Variants in UNC13B observed in about 807,000 individuals in gnomAD.
The protein encoded by UNC13B is protein unc-13 homolog B.
In UNC13B, 144 loss-of-function variants were observed where a neutral mutation model predicts 211.0. The observed-to-expected ratio is 0.68, with a 90% CI of 0.60 to 0.78. UNC13B has a LOEUF of 0.78. Among genes scored for constraint, UNC13B ranks in the 30% least tolerant of loss-of-function variants. The pLI is 0.00. For synonymous variants in UNC13B, 709 were observed against 725.8 expected (o/e 0.98, Z 0.37); for missense variants, 1,777 against 2,002.0 (o/e 0.89, Z 2.14).
At chr9:35,358,468 T>C (rs189569387) in intron 11 of UNC13B, among the ~76,000 whole-genome samples, 4 of 152,282 alleles carry the variant, frequency 2.6e-5, no homozygotes, top group Admixed American at 2.6e-4. Context: ...ACACTTGTTA[T>C]TTTCTGTTTT....
chr9:35,294,177 C>CTT (rs951745051), intron 7 of UNC13B, among the ~76,000 whole-genome samples: 16 of 152,126 alleles, frequency 1.1e-4, no homozygotes, highest in Non-Finnish European at 1.5e-5. Context: ...CTGGAATTTT[C>CTT]TTTTTCTAGT....
At chr9:35,266,090 C>T (rs973484722) in intron 7 of UNC13B, among the ~76,000 whole-genome samples, 1 of 152,136 alleles carries the variant, frequency 6.6e-6, no homozygotes, top group East Asian at 1.9e-4. Context: ...GGCGTTGAGC[C>T]ACCAAGCCCA....
At chr9:35,250,408 A>G (rs1436620115) in intron 6 of UNC13B, among the ~76,000 whole-genome samples, 1 of 152,250 alleles carries the variant, frequency 6.6e-6, no homozygotes, top group Admixed American at 6.5e-5. Context: ...TTTCATATAA[A>G]TGAAATTATA....
At chr9:35,217,339 A>T (rs1336297768) in intron 1 of UNC13B, among the ~76,000 whole-genome samples, 1 of 152,102 alleles carries the variant, frequency 6.6e-6, no homozygotes, top group Non-Finnish European at 1.5e-5. Context: ...TATTTTCTTT[A>T]AAGTCAGGAA....
chr9:35,249,012 G>GACCTTTAT (rs1826284384), intron 6 of UNC13B, among the ~76,000 whole-genome samples: 1 of 152,152 alleles, frequency 6.6e-6, no homozygotes, highest in Non-Finnish European at 1.5e-5. Context: ...AGGTCTCTAA[G>GACCTTTAT]GACTTGCTTT....
At chr9:35,351,875 A>T in intron 11 of UNC13B, 3 of 1,232,246 alleles carry the variant, frequency 2.4e-6, no homozygotes, top group Non-Finnish European at 3.0e-6. Context: ...CTCAGAGAGG[A>T]ACCAAACCAA....
intron 1 of UNC13B, among the ~76,000 whole-genome samples, chr9:35,189,787 A>G (rs1243527344): frequency 2.6e-5 from 4 of 152,220 alleles, no homozygotes; most frequent in Admixed American, 2.6e-4. Flanking sequence ...CTCCTGCCTC[A>G]GCCTCCTGAG....
At position 35,386,164 on chromosome 9, in the gene UNC13B, G is replaced by T. The variant is rs1263129296; in HGVS notation, c.10966-1G>T. 6.2e-7 allele frequency: 1 copy of T among 1,614,058 alleles called. No homozygotes were observed. Among genetic ancestry groups the T allele is most frequent in the African/African-American group, 1.3e-5 (1 of 75,042 alleles). On this transcript the variant is annotated splice_acceptor_variant, in intron 23 of 39. Transcript: ENST00000635942. LOFTEE classifies it high-confidence loss of function. Reference sequence around the variant, plus strand: ...CCCATATTTCTTCTTTTAATTGGCAGGTACAAGAACTGCAAAGCCCTCCAA... The same window carrying T: ...CCCATATTTCTTCTTTTAATTGGCATGTACAAGAACTGCAAAGCCCTCCAA...
Position 35,398,989 on chromosome 9 carries a change from A to G in UNC13B, c.12029A>G (p.Asp4010Gly). 6.2e-7 allele frequency: 1 copy of G among 1,614,180 alleles called. No individual in the cohort carries two copies. Among genetic ancestry groups the G allele is most frequent in the Non-Finnish European group, 8.5e-7 (1 of 1,180,020 alleles). ...GACGCCAGGGCCTCAGCGGCTCAGGATGCAGATAGCGTACTCCGGCCTCTC... is the reference window on the plus strand; with the variant it reads ...GACGCCAGGGCCTCAGCGGCTCAGGGTGCAGATAGCGTACTCCGGCCTCTC... ...SPDARASAAQ[D>G]ADSVLRPLMD... The change falls in exon 33 of 40, where the codon GAT becomes GGT. Residue 4010 changes from aspartate to glycine, a missense_variant. Transcript: ENST00000635942.
In UNC13B at chr9:35,259,804, G is replaced by GT. The variant is rs1449476239; in HGVS notation, c.526+754_526+755insT. ...GTGTGTGTAGGGGGATGCGGGGGGG[G>GT]GGGATTTTGATACTTTTGTGTTGCT... On this transcript the variant is annotated intron_variant, in intron 7 of 39. Coordinates refer to ENST00000635942, the MANE Select transcript of UNC13B (RefSeq NM_001371189.2). 1.2e-4 allele frequency among the ~76,000 whole-genome samples: 18 copies of GT among 144,594 alleles called. 4 individuals are homozygous for GT. The highest frequency in any genetic ancestry group is 1.2e-3 in the Admixed American group (18 of 14,472). The allele number at this position is 144,594 out of a possible 152,430, so 94.9% of individuals were successfully genotyped here.
At chr9:35,204,341 G>C (rs1383840624) in intron 1 of UNC13B, among the ~76,000 whole-genome samples, 1 of 152,120 alleles carries the variant, frequency 6.6e-6, no homozygotes, top group East Asian at 1.9e-4. Flanking sequence ...TGGGGTGGGA[G>C]CCCCCCCACA....
intron 1 of UNC13B, among the ~76,000 whole-genome samples, chr9:35,202,133 T>C (rs879089996): frequency 2.6e-5 from 4 of 152,188 alleles, no homozygotes; most frequent in African/African-American, 7.2e-5. Flanking sequence ...TGAGTTTCCA[T>C]GTAGTTGAGC....
At chr9:35,386,092 G>A (rs1320728142) in intron 23 of UNC13B, 73 bp from the exon 24 acceptor site, 1 of 1,595,006 alleles carries the variant, frequency 6.3e-7, no homozygotes, top group African/African-American at 1.3e-5. Flanking sequence ...GAGTAGGTTT[G>A]GGGTAGTGCT....
chr9:35,162,445 TAAC>T, intron 1 of UNC13B, 140 bp downstream of exon 1: 1 of 1,137,264 alleles, frequency 8.8e-7, no homozygotes, highest in Non-Finnish European at 1.2e-6. Flanking sequence ...GGCAATCACT[TAAC>T]AATCACTTGA....
chr9:35,392,673 G>A (rs970919063), intron 26 of UNC13B, among the ~76,000 whole-genome samples: 2 of 151,542 alleles, frequency 1.3e-5, no homozygotes, highest in South Asian at 4.2e-4. Flanking sequence ...GGATAGCATT[G>A]GGAGATATAC....
chr9:35,343,855 A>G (rs1012453585), intron 11 of UNC13B, among the ~76,000 whole-genome samples: 4 of 152,040 alleles, frequency 2.6e-5, no homozygotes, highest in African/African-American at 9.7e-5. Flanking sequence ...GATACATACT[A>G]GATTTCAAGA....
At chr9:35,283,128 C>T (rs1252551136) in intron 7 of UNC13B, among the ~76,000 whole-genome samples, 2 of 152,116 alleles carry the variant, frequency 1.3e-5, no homozygotes, top group Non-Finnish European at 2.9e-5. Context: ...AAATGAATCT[C>T]CCATCCTCTA....
At chr9:35,383,869 A>G (rs1032634561) in intron 21 of UNC13B, among the ~76,000 whole-genome samples, 1 of 152,104 alleles carries the variant, frequency 6.6e-6, no homozygotes, top group African/African-American at 2.4e-5. Context: ...CCTCAGACTC[A>G]AGAGAGAATG....
intron 7 of UNC13B, among the ~76,000 whole-genome samples, chr9:35,281,045 C>T (rs553200321): frequency 2.0e-5 from 3 of 151,916 alleles, no homozygotes; most frequent in South Asian, 4.2e-4. Context: ...GTCAGGAGAT[C>T]GAGACCATCC....
Sources: gnomAD v4.1 joint callset for allele counts (sites outside exome capture counted in the v4.1 genomes callset) on GRCh38, gnomAD v4.1.1 for gene constraint, MANE v1.5 for transcripts, NCBI Gene and HGNC (gene_info 2026-07-23, HGNC 2026-07-21) for gene names.